Variants in OSBPL1A observed in about 807,000 individuals in gnomAD.
OSBPL1A encodes the protein oxysterol binding protein like 1A.
OSBPL1A carries 80 observed loss-of-function variants against 137.1 expected under a neutral mutation model. The observed-to-expected ratio is 0.58, with a 90% CI of 0.49 to 0.70. The LOEUF (loss-of-function observed/expected upper bound fraction) is 0.70, where lower values mean the gene tolerates loss of function less well. Among genes scored for constraint, OSBPL1A ranks in the 30% least tolerant of loss-of-function variants. OSBPL1A has a pLI of 0.00. For synonymous variants in OSBPL1A, 365 were observed against 389.7 expected (o/e 0.94, Z 0.75); for missense variants, 970 against 1,129.4 (o/e 0.86, Z 2.02).
intron 15 of OSBPL1A, among the ~76,000 whole-genome samples, chr18:24,254,687 T>TA (rs1207158680): frequency 6.6e-6 from 1 of 151,686 alleles, no homozygotes; most frequent in Non-Finnish European, 1.5e-5. Flanking sequence ...AAAGCAGTAC[T>TA]AAGAGAGAAA....
In OSBPL1A at chr18:24,324,820, G is replaced by C. The variant is rs2090941898; in HGVS notation, c.626-6011C>G. ...AAAAAAAAAGAGGCCAGGTGCAGTG[G>C]CTCATGCCTGTTATCCCAGCACTTT... On this transcript the variant is annotated intron_variant, in intron 7 of 27. Coordinates refer to ENST00000319481, the MANE Select transcript of OSBPL1A (RefSeq NM_080597.4). Among the ~76,000 whole-genome samples the C allele has an allele frequency of 6.0e-5, 9 of 148,922 alleles. No individual in the cohort carries two copies. The South Asian group carries it at 1.9e-3, about 32-fold the overall frequency.
chr18:24,288,364 A>G (rs1352297021), intron 14 of OSBPL1A, among the ~76,000 whole-genome samples: 1 of 152,174 alleles, frequency 6.6e-6, no homozygotes, highest in African/African-American at 2.4e-5. Context: ...TTTAGATTAT[A>G]CCCTAAGGCA....
At chr18:24,368,553 A>G in intron 2 of OSBPL1A, 181 bp from the exon 3 acceptor site, 1 of 538,032 alleles carries the variant, frequency 1.9e-6, no homozygotes, top group Non-Finnish European at 3.4e-6. Flanking sequence ...CACAAGGTGC[A>G]GATCTGGTGC....
At position 24,162,507 on chromosome 18, in the gene OSBPL1A, TACTG is replaced by T. The variant is rs1306349565; in HGVS notation, c.*668_*671del. Reference sequence around the variant, plus strand: ...AATGTAAACTTAACCATTTTAATGATACTGACTGCAGAAAACTGTAAAAGTAAAT... The same window carrying T: ...AATGTAAACTTAACCATTTTAATGATACTGCAGAAAACTGTAAAAGTAAAT... On this transcript the variant is annotated 3_prime_UTR_variant, in exon 28 of 28. Transcript: ENST00000319481. The T allele has an allele frequency of 2.0e-5, 3 of 152,230 alleles. No homozygotes were observed. Among genetic ancestry groups the T allele is most frequent in the Non-Finnish European group, 4.4e-5 (3 of 68,028 alleles). The allele number at this position is 152,230 out of a possible 1,614,324, so 9.4% of individuals were successfully genotyped here.
intron 16 of OSBPL1A, among the ~76,000 whole-genome samples, chr18:24,235,820 C>T (rs1419391510): frequency 6.6e-6 from 1 of 152,168 alleles, no homozygotes; most frequent in Non-Finnish European, 1.5e-5. Context: ...AATATGTTAC[C>T]TTTCATTAAT....
chr18:24,176,754 A>T (rs562641770), intron 21 of OSBPL1A, among the ~76,000 whole-genome samples: 1 of 152,326 alleles, frequency 6.6e-6, no homozygotes, highest in African/African-American at 2.4e-5. Flanking sequence ...ACCCCTCAAT[A>T]GCCATCCAGG....
intron 1 of OSBPL1A, among the ~76,000 whole-genome samples, chr18:24,381,010 C>A (rs190523015): frequency 2.0e-5 from 3 of 151,452 alleles, no homozygotes; most frequent in Admixed American, 6.6e-5. Context: ...ATAAACTCTG[C>A]AGGAAGCCAA....
At chr18:24,284,155 A>G (rs2090022558) in intron 14 of OSBPL1A, among the ~76,000 whole-genome samples, 1 of 152,184 alleles carries the variant, frequency 6.6e-6, no homozygotes. Context: ...ACTGCAGTGT[A>G]GCACATCAGG....
intron 15 of OSBPL1A, among the ~76,000 whole-genome samples, chr18:24,250,143 CGTTT>C (rs1476390289): frequency 6.9e-6 from 1 of 145,806 alleles, no homozygotes; most frequent in Non-Finnish European, 1.5e-5. Flanking sequence ...TCCCAGAAGG[CGTTT>C]GTGTGTTTTT....
chr18:24,283,264 C>CAAAAAAAAA (rs67218844), intron 14 of OSBPL1A, among the ~76,000 whole-genome samples: 7 of 30,726 alleles, frequency 2.3e-4, no homozygotes, highest in Non-Finnish European at 3.6e-4. Context: ...GACTCCATCT[C>CAAAAAAAAA]AAAAAAAAAA....
intron 15 of OSBPL1A, among the ~76,000 whole-genome samples, chr18:24,276,312 A>C (rs1247687615): frequency 6.6e-6 from 1 of 152,220 alleles, no homozygotes; most frequent in Non-Finnish European, 1.5e-5. Context: ...CAGCACTCAC[A>C]TTCTGTTATA....
chr18:24,174,582 A>T (rs1212272117), intron 21 of OSBPL1A, among the ~76,000 whole-genome samples: 1 of 152,206 alleles, frequency 6.6e-6, no homozygotes, highest in Non-Finnish European at 1.5e-5. Context: ...ACGGATACTC[A>T]ACCTGTATGA....
Position 24,377,420 on chromosome 18 carries a change from A to G in OSBPL1A, c.114T>C (p.Asn38=). The change falls in exon 2 of 28, where the codon AAT becomes AAC. Residue 38 remains asparagine, a synonymous_variant. Coordinates refer to ENST00000319481, the MANE Select transcript of OSBPL1A (RefSeq NM_080597.4). Reference sequence around the variant, plus strand: ...AATCCATTCAAAGTTTACCTTTGCAATTAATGTCAGCAATCACTTCATTCC... The same window carrying G: ...AATCCATTCAAAGTTTACCTTTGCAGTTAATGTCAGCAATCACTTCATTCC... The part of the protein sequence containing the change: ...MARNEVIADI[N]CKGRSKSNLG... The G allele has an allele frequency of 6.2e-7, 1 of 1,606,274 alleles. No individual in the cohort carries two copies. The highest frequency in any genetic ancestry group is 8.5e-7 in the Non-Finnish European group (1 of 1,178,076).
chr18:24,227,337 A>G (rs1476040972), intron 16 of OSBPL1A, among the ~76,000 whole-genome samples: 1 of 152,276 alleles, frequency 6.6e-6, no homozygotes. Flanking sequence ...GTCAGATGAA[A>G]TAAGTTATTA....
At chr18:24,386,617 G>A (rs1187976674) in intron 1 of OSBPL1A, among the ~76,000 whole-genome samples, 1 of 152,154 alleles carries the variant, frequency 6.6e-6, no homozygotes, top group African/African-American at 2.4e-5. Flanking sequence ...GCAGGGGTGG[G>A]GAGGAGACTG....
At chr18:24,331,388 C>T (rs1220016569) in intron 7 of OSBPL1A, among the ~76,000 whole-genome samples, 1 of 148,518 alleles carries the variant, frequency 6.7e-6, no homozygotes. Context: ...GCCCTGATGG[C>T]ATGTTCCTCT....
chr18:24,313,052 A>G (rs1378409388), intron 12 of OSBPL1A, among the ~76,000 whole-genome samples: 1 of 151,688 alleles, frequency 6.6e-6, no homozygotes, highest in Non-Finnish European at 1.5e-5. Flanking sequence ...TGAACCAGAA[A>G]GGCAGAGGTT....
In OSBPL1A at chr18:24,262,174, A is replaced by G. The variant is rs139325262; in HGVS notation, c.1281+18668T>C. ...TAATTGCATCATCAAATTTTGCATC[A>G]GATTGGCAATGCATCAGATGCAAAA... is the stretch of plus-strand genomic sequence containing the variant. On this transcript the variant is annotated intron_variant, in intron 15 of 27. Coordinates refer to ENST00000319481, the MANE Select transcript of OSBPL1A (RefSeq NM_080597.4). 3.2e-3 allele frequency among the ~76,000 whole-genome samples: 480 copies of G among 152,346 alleles called. 1 individual carries two copies. The highest frequency in any genetic ancestry group is 0.011 in the African/African-American group (468 of 41,578).
At chr18:24,233,125 C>T (rs553242831) in intron 16 of OSBPL1A, among the ~76,000 whole-genome samples, 3 of 152,058 alleles carry the variant, frequency 2.0e-5, no homozygotes, top group African/African-American at 7.2e-5. Flanking sequence ...AGGAATTTTC[C>T]GTGAAACTGC....
Sources: gnomAD v4.1 joint callset for allele counts (sites outside exome capture counted in the v4.1 genomes callset) on GRCh38, gnomAD v4.1.1 for gene constraint, MANE v1.5 for transcripts, NCBI Gene and HGNC (gene_info 2026-07-23, HGNC 2026-07-21) for gene names.